COL9A3: variants seen among roughly 807,000 people sequenced by gnomAD.
The protein encoded by COL9A3 is collagen type IX alpha 3 chain, also known as collagen alpha-3(IX) chain.
COL9A3 carries 82 observed loss-of-function variants against 110.2 expected under a neutral mutation model. That is an observed-to-expected ratio of 0.74 (90% CI 0.62 to 0.89). The LOEUF (loss-of-function observed/expected upper bound fraction) is 0.89, where lower values mean the gene tolerates loss of function less well. Among genes scored for constraint, COL9A3 ranks in the 40% least tolerant of loss-of-function variants. COL9A3 has a pLI of 0.00. For missense variants in COL9A3, 1,066 were observed against 981.3 expected, an observed-to-expected ratio of 1.09 and a Z score of -1.15; for synonymous variants, 494 against 403.8, an observed-to-expected ratio of 1.22 and a Z score of -2.68.
intron 31 of COL9A3, among the ~76,000 whole-genome samples, chr20:62,840,337 C>T (rs1266623679): frequency 6.6e-6 from 1 of 152,158 alleles, no homozygotes; most frequent in African/African-American, 2.4e-5. Context: ...GGGCTGGCCG[C>T]GCCTGGCCTT....
intron 17 of COL9A3, among the ~76,000 whole-genome samples, chr20:62,828,261 CCCGGGCACCCAT>C (rs1479215103): frequency 6.6e-6 from 1 of 152,210 alleles, no homozygotes; most frequent in Non-Finnish European, 1.5e-5. Context: ...CTCCCAGGGT[CCCGGGCACCCAT>C]GCGGGCACCT....
rs1600797358 is a variant in COL9A3, at chr20:62,826,009, T to C, written c.684+139T>C. On this transcript the variant is annotated intron_variant, in intron 13 of 31. Coordinates refer to ENST00000649368, the MANE Select transcript of COL9A3 (RefSeq NM_001853.4). ...AACACCCAGGCACAGGAGCGCGACC[T>C]GGCTGGGGGTCCCACCTCTGCCAAG... 11 of 1,136,592 alleles carry C rather than the reference T, an allele frequency of 9.7e-6. No individual in the cohort carries two copies. The East Asian group carries it at 2.8e-4, about 29-fold the overall frequency. The allele number at this position is 1,136,592 out of a possible 1,614,324, so 70.4% of individuals were successfully genotyped here. A position where few individuals can be genotyped will look rare whatever the true frequency, so the allele number is the denominator to read the frequency against.
At chr20:62,835,269 G>A (rs577983182) in intron 26 of COL9A3, among the ~76,000 whole-genome samples, 2 of 152,342 alleles carry the variant, frequency 1.3e-5, no homozygotes, top group African/African-American at 2.4e-5. Context: ...CTGGAGGCTG[G>A]GAAGCCCAAG....
At chr20:62,827,448 G>A (rs1224752996) in intron 16 of COL9A3, among the ~76,000 whole-genome samples, 154 bp downstream of exon 16, 13 of 152,146 alleles carry the variant, frequency 8.5e-5, no homozygotes, top group African/African-American at 2.2e-4. Context: ...CCTGACCCTG[G>A]AGGGCCCGAG....
In COL9A3 at chr20:62,840,726, C is replaced by G. The variant is rs765425386; in HGVS notation, c.2049C>G (p.Ser683Arg). 3.2e-6 allele frequency: 5 copies of G among 1,567,888 alleles called. No homozygotes were observed. The Admixed American group carries it at 9.5e-5, about 30-fold the overall frequency. Reference sequence around the variant, plus strand: ...TCGGGGAGAAATCAGGCTCTCGAAGCTCATAAAATTCAACGTGAGGAAGCA... The same window carrying G: ...TCGGGGAGAAATCAGGCTCTCGAAGGTCATAAAATTCAACGTGAGGAAGCA... ...GGVGEKSGSR[S>R]S The change falls in exon 32 of 32, where the codon AGC becomes AGG. Residue 683 changes from serine to arginine, a missense_variant. Ser to Arg is a moderately radical substitution (Grantham distance 110). Transcript: ENST00000649368.
chr20:62,817,525 A>G (rs1221179688), intron 1 of COL9A3, 42 bp from the exon 2 acceptor site: 1 of 1,420,186 alleles, frequency 7.0e-7, no homozygotes, highest in Admixed American at 2.0e-5. Flanking sequence ...GGTCAGGCCC[A>G]CGGGGGCACC....
intron 12 of COL9A3, chr20:62,825,552 T>G: frequency 1.7e-6 from 1 of 572,166 alleles, no homozygotes; most frequent in South Asian, 2.0e-5. Context: ...GGTCCCTGCT[T>G]GGCCACGAGG....
At position 62,833,088 on chromosome 20, in the gene COL9A3, G is replaced by A. The variant is rs1018440; in HGVS notation, c.1368+24G>A. ...TGGTGAGTAATTAGGTAACCTCACT[G>A]TTACCAACAGCTGGGAGCGAGGTCG... is the stretch of plus-strand genomic sequence containing the variant. On this transcript the variant is annotated intron_variant, in intron 26 of 31. Coordinates refer to ENST00000649368, the MANE Select transcript of COL9A3 (RefSeq NM_001853.4). The A allele has an allele frequency of 0.2, 327,446 of 1,599,502 alleles. 38,790 individuals carry two copies. The highest frequency in any genetic ancestry group is 0.5 in the African/African-American group (37,322 of 74,504).
chr20:62,821,476 G>T (rs1244980105), intron 6 of COL9A3, 31 bp from the exon 7 acceptor site: 15 of 1,612,678 alleles, frequency 9.3e-6, no homozygotes, highest in Non-Finnish European at 1.3e-5. Context: ...CTTGTGCCTG[G>T]CAGGCTCTGA....
upstream of COL9A3, chr20:62,816,928 C>T (rs1477155174): frequency 1.3e-5 from 5 of 389,546 alleles, no homozygotes; most frequent in African/African-American, 2.2e-5. Flanking sequence ...GAAGCCCCCC[C>T]GCCCAGGTGG....
intron 27 of COL9A3, 59 bp from the exon 28 acceptor site, chr20:62,836,128 C>T (rs538053711): frequency 5.3e-5 from 85 of 1,603,180 alleles, no homozygotes; most frequent in South Asian, 1.0e-4. Flanking sequence ...AAGAGCACGT[C>T]GGGGTGGCTC....
intron 26 of COL9A3, 59 bp downstream of exon 26, chr20:62,833,123 C>T: frequency 7.1e-7 from 1 of 1,399,752 alleles, no homozygotes; most frequent in Non-Finnish European, 1.0e-6. Flanking sequence ...GCCACTGTGG[C>T]TGGGGAACAG....
chr20:62,836,019 T>C lies in COL9A3; in HGVS notation c.1401+66T>C, dbSNP rs142826282. 9.5e-4 allele frequency: 1,528 copies of C among 1,612,178 alleles called. 13 individuals are homozygous for C. In the African/African-American group the frequency reaches 0.018, roughly 19 times the overall value. Reference sequence around the variant, plus strand: ...CGCCTGCTGGCTTCCTGCCCACCTCTGGGCAACCAGGCAGCCCTGCAGGGC... The same window carrying C: ...CGCCTGCTGGCTTCCTGCCCACCTCCGGGCAACCAGGCAGCCCTGCAGGGC... On this transcript the variant is annotated intron_variant, in intron 27 of 31. Transcript: ENST00000649368.
chr20:62,825,671 G>A (rs1190084790), intron 12 of COL9A3, 146 bp from the exon 13 acceptor site: 4 of 805,376 alleles, frequency 5.0e-6, no homozygotes, highest in Admixed American at 2.1e-5. Context: ...CTGTGGGCAA[G>A]TGTCCCCTTC....
rs555778717 is a variant in COL9A3, at chr20:62,836,734, C to T, written c.1603+202C>T. The T allele has an allele frequency of 1.4e-4, 92 of 645,878 alleles. No individual in the cohort carries two copies. The South Asian group carries it at 1.5e-3, about 10-fold the overall frequency. The allele number at this position is 645,878 out of a possible 1,614,324, so 40.0% of individuals were successfully genotyped here. ...TGCGCTAGAGGATGGCCCACGCTCCCGCCCCGGATTCAACCAGATTCCCAG... is the reference window on the plus strand; with the variant it reads ...TGCGCTAGAGGATGGCCCACGCTCCTGCCCCGGATTCAACCAGATTCCCAG... On this transcript the variant is annotated intron_variant, in intron 29 of 31. Coordinates refer to ENST00000649368, the MANE Select transcript of COL9A3 (RefSeq NM_001853.4).
rs187976303 is a variant in COL9A3 at position 62,825,607 on chromosome 20, C to T, written c.631-210C>T. On this transcript the variant is annotated intron_variant, in intron 12 of 31. Transcript: ENST00000649368. ...AAGGGCCTTGTGGGAACAGTGACCA[C>T]GGACCCCGGCCCGGCAGGGCGAGGC... The T allele has an allele frequency of 8.3e-3, 5,195 of 629,074 alleles. 40 individuals carry two copies. Among genetic ancestry groups the T allele is most frequent in the Non-Finnish European group, 0.012 (3,998 of 345,710 alleles). 39.0% of individuals were successfully genotyped at this position (629,074 alleles called of 1,614,324 possible). A position where few individuals can be genotyped will look rare whatever the true frequency, so the allele number is the denominator to read the frequency against.
rs1303988718 is a variant in COL9A3, at chr20:62,830,512, C to T, written c.1216-5C>T. 1.9e-6 allele frequency: 3 copies of T among 1,608,116 alleles called. No homozygotes were observed. Among genetic ancestry groups the T allele is most frequent in the South Asian group, 1.1e-5 (1 of 90,042 alleles). Reference sequence around the variant, plus strand: ...GCACTGACGAGCCAGGACCTCCTTCCCCAGGGCCAGAAGGGCAGCATGGGA... The same window carrying T: ...GCACTGACGAGCCAGGACCTCCTTCTCCAGGGCCAGAAGGGCAGCATGGGA... On this transcript the variant is annotated splice_polypyrimidine_tract_variant and splice_region_variant and intron_variant, in intron 23 of 31. Transcript: ENST00000649368.
At chr20:62,829,196 G>C (rs2063576814) in intron 19 of COL9A3, among the ~76,000 whole-genome samples, 1 of 152,216 alleles carries the variant, frequency 6.6e-6, no homozygotes, top group Admixed American at 6.5e-5. Flanking sequence ...GTGTACATGG[G>C]ACATGTGTGA....
chr20:62,840,690 G>A lies in COL9A3; in HGVS notation c.2013G>A (p.Val671=). The change falls in exon 32 of 32, where the codon GTG becomes GTA. Residue 671 remains valine, a synonymous_variant. Coordinates refer to ENST00000649368, the MANE Select transcript of COL9A3 (RefSeq NM_001853.4). Reference sequence around the variant, plus strand: ...ACACCTCAGCCTGCCAAGGAGCCGTGTTAGGAGGGGTCGGGGAGAAATCAG... The same window carrying A: ...ACACCTCAGCCTGCCAAGGAGCCGTATTAGGAGGGGTCGGGGAGAAATCAG... ...ICDTSACQGA[V]LGGVGEKSGS... The A allele has an allele frequency of 6.3e-7, 1 of 1,597,716 alleles. No individual in the cohort carries two copies. The highest frequency in any genetic ancestry group is 8.5e-7 in the Non-Finnish European group (1 of 1,172,276).
Sources: allele counts gnomAD v4.1 joint callset (sites outside exome capture counted in the v4.1 genomes callset), GRCh38; gene constraint gnomAD v4.1.1; transcripts MANE v1.5; gene names NCBI Gene and HGNC (gene_info 2026-07-23, HGNC 2026-07-21).